DMD: variants seen among roughly 807,000 people sequenced by gnomAD.
DMD encodes the protein mutant dystrophin.
DMD carries 63 observed loss-of-function variants against 330.1 expected under a neutral mutation model. That is an observed-to-expected ratio of 0.19 (90% CI 0.16 to 0.24). The LOEUF (loss-of-function observed/expected upper bound fraction) is 0.24. Ranked by LOEUF, DMD falls within the 10% of genes least tolerant of loss-of-function variation. DMD has a pLI of 1.00. For missense variants in DMD, 3,344 were observed against 2,684.1 expected (o/e 1.25, Z -5.43); for synonymous variants, 1,223 against 959.8 (o/e 1.27, Z -5.07).
intron 30 of DMD, among the ~76,000 whole-genome samples, chrX:32,403,561 G>A (rs1245854143): frequency 1.8e-5 from 2 of 111,636 alleles, no homozygotes; most frequent in Non-Finnish European, 3.8e-5. Flanking sequence ...AGTCAGTGAC[G>A]TGTGGCAAGT....
chrX:31,121,017 G>A lies in DMD; in HGVS notation c.*902C>T, dbSNP rs1165925136. On this transcript the variant is annotated 3_prime_UTR_variant, in exon 79 of 79. Transcript: ENST00000357033. The stretch of plus-strand genomic sequence containing the variant: ...AAGTTGTTTAAAATGAGAAACATCT[G>A]GAGCTGTAGACAATGTTTTAGTGTG... The A allele has an allele frequency of 9.0e-6, 1 of 111,627 alleles. No individual in the cohort carries two copies. Among genetic ancestry groups the A allele is most frequent in the African/African-American group, 3.3e-5 (1 of 30,646 alleles). 9.2% of individuals were successfully genotyped at this position (111,627 alleles called of 1,213,427 possible). A position where few individuals can be genotyped will look rare whatever the true frequency, so the allele number is the denominator to read the frequency against.
Position 32,721,215 on chromosome X carries a change from A to G in DMD, c.650-21922T>C, listed in dbSNP as rs902933707. 3.6e-5 allele frequency among the ~76,000 whole-genome samples: 4 copies of G among 110,808 alleles called. No homozygotes were observed. The East Asian group carries it at 1.1e-3, about 31-fold the overall frequency. On this transcript the variant is annotated intron_variant, in intron 7 of 78. Coordinates refer to ENST00000357033, the MANE Select transcript of DMD (RefSeq NM_004006.3). ...TTCTGATTTCATTTTCTGTGGGTCT[A>G]TACCCAGGAGTGGGATTGTTGGGTC...
intron 51 of DMD, among the ~76,000 whole-genome samples, chrX:31,765,958 C>T (rs188053922): frequency 9.0e-6 from 1 of 110,871 alleles, no homozygotes; most frequent in African/African-American, 3.3e-5. Flanking sequence ...TAACATTACC[C>T]TAACATTAAA....
intron 9 of DMD, among the ~76,000 whole-genome samples, chrX:32,665,654 AAT>A (rs60171897): frequency 0.014 from 1,566 of 111,939 alleles, 24 homozygotes; most frequent in African/African-American, 0.049. Flanking sequence ...GTAAGCAAAA[AAT>A]ATATGTGCTC....
intron 44 of DMD, among the ~76,000 whole-genome samples, chrX:32,200,780 C>T (rs2097031994): frequency 9.5e-6 from 1 of 105,260 alleles, no homozygotes; most frequent in African/African-American, 4.0e-5. Flanking sequence ...GTGTGTTATA[C>T]TCAGTGCCCA....
intron 1 of DMD, among the ~76,000 whole-genome samples, chrX:33,061,110 A>C (rs1478552709): frequency 8.9e-6 from 1 of 112,176 alleles, no homozygotes; most frequent in African/African-American, 3.2e-5. Flanking sequence ...CCGTTATATA[A>C]ATTATACATT....
chrX:31,559,697 T>C (rs1280620290), intron 55 of DMD, among the ~76,000 whole-genome samples: 1 of 107,194 alleles, frequency 9.3e-6, no homozygotes, highest in African/African-American at 3.4e-5. Context: ...GTGTAAATTC[T>C]TTGATTGCAT....
chrX:31,462,210 T>C (rs1351011990), intron 59 of DMD, among the ~76,000 whole-genome samples: 1 of 112,123 alleles, frequency 8.9e-6, no homozygotes, highest in Non-Finnish European at 1.9e-5. Flanking sequence ...CTCGGTGTTG[T>C]GGCTTACGCC....
At chrX:32,511,521 C>T (rs753344411) in intron 18 of DMD, among the ~76,000 whole-genome samples, 38 of 57,122 alleles carry the variant, frequency 6.7e-4, no homozygotes, top group Non-Finnish European at 1.0e-3. Context: ...GGCTCCGTCT[C>T]GGGAAAAAAA....
intron 50 of DMD, among the ~76,000 whole-genome samples, chrX:31,807,081 G>C (rs368465304): frequency 1.8e-5 from 2 of 111,365 alleles, no homozygotes; most frequent in Non-Finnish European, 3.8e-5. Flanking sequence ...CGAAGGGGAC[G>C]CTTTCCAGAA....
At chrX:33,311,364 C>T (rs997319864) in intron 1 of DMD, among the ~76,000 whole-genome samples, 1 of 110,133 alleles carries the variant, frequency 9.1e-6, no homozygotes, top group Non-Finnish European at 1.9e-5. Flanking sequence ...ATACACCTGT[C>T]TGTTCTTACC....
intron 16 of DMD, among the ~76,000 whole-genome samples, chrX:32,550,046 G>A (rs2049373891): frequency 8.9e-6 from 1 of 111,936 alleles, no homozygotes; most frequent in African/African-American, 3.2e-5. Context: ...GAACGCCGTG[G>A]AGTGTACTTA....
chrX:32,832,360 A>G lies in DMD; in HGVS notation c.265-8973T>C, dbSNP rs2079222029. Among the ~76,000 whole-genome samples the G allele has an allele frequency of 1.8e-5, 2 of 111,837 alleles. 1 individual carries two copies. Among genetic ancestry groups the G allele is most frequent in the Admixed American group, 1.9e-4 (2 of 10,505 alleles). The stretch of plus-strand genomic sequence containing the variant: ...AGGGAAATCCCATGCATTGAAAATT[A>G]TTATGTAAATATCCTTCCTGACACT... On this transcript the variant is annotated intron_variant, in intron 4 of 78. Transcript: ENST00000357033.
Position 31,721,718 on chromosome X carries a change from C to CTATATATA in DMD, c.7660+7905_7660+7912dup, listed in dbSNP as rs1226368643. 1.3e-3 allele frequency among the ~76,000 whole-genome samples: 74 copies of CTATATATA among 56,471 alleles called. 1 individual carries two copies. The highest frequency in any genetic ancestry group is 3.2e-3 in the Admixed American group (11 of 3,434). The allele number at this position is 56,471 out of a possible 115,157, so 49.0% of individuals were successfully genotyped here. On this transcript the variant is annotated intron_variant, in intron 52 of 78. Transcript: ENST00000357033. The stretch of plus-strand genomic sequence containing the variant: ...TCTCTCTCTCTCTCTCTCTCTCTCT[C>CTATATATA]TATATATATATATATATATATATAT...
intron 7 of DMD, among the ~76,000 whole-genome samples, chrX:32,716,554 C>T (rs2065757112): frequency 9.0e-6 from 1 of 111,247 alleles, no homozygotes; most frequent in Non-Finnish European, 1.9e-5. Flanking sequence ...AGGACTAATA[C>T]AGAAAATTGG....
At chrX:32,840,411 C>A (rs768364653) in intron 4 of DMD, among the ~76,000 whole-genome samples, 1 of 111,148 alleles carries the variant, frequency 9.0e-6, no homozygotes, top group Non-Finnish European at 1.9e-5. Context: ...CGTGGAGTTT[C>A]GGAGGTTTTA....
intron 16 of DMD, among the ~76,000 whole-genome samples, chrX:32,553,062 A>G (rs1488814079): frequency 1.8e-5 from 2 of 112,074 alleles, no homozygotes; most frequent in Non-Finnish European, 3.8e-5. Flanking sequence ...AATAACAATT[A>G]TTGGGTATAC....
At chrX:31,415,045 C>T (rs187896792) in intron 60 of DMD, among the ~76,000 whole-genome samples, 12 of 112,084 alleles carry the variant, frequency 1.1e-4, no homozygotes, top group African/African-American at 3.9e-4. Context: ...TCCTTAATAG[C>T]GGCTCAGAAA....
chrX:33,123,930 C>T (rs2095441387), intron 1 of DMD, among the ~76,000 whole-genome samples: 1 of 109,124 alleles, frequency 9.2e-6, no homozygotes, highest in Non-Finnish European at 1.9e-5. Context: ...TTTGGGAGGC[C>T]GAGGTGGGCG....
Sources: allele counts gnomAD v4.1 joint callset (sites outside exome capture counted in the v4.1 genomes callset), GRCh38; gene constraint gnomAD v4.1.1; transcripts MANE v1.5; gene names NCBI Gene and HGNC (gene_info 2026-07-23, HGNC 2026-07-21).